Variants in ADAP1 observed in about 807,000 individuals in gnomAD.
ADAP1 encodes ArfGAP with dual PH domains 1.
Under a neutral mutation model 54.9 loss-of-function variants are expected in ADAP1, and 31 were observed. The ratio of observed to expected loss-of-function variants is 0.56; its 90% confidence interval spans 0.42 to 0.76. ADAP1 has a LOEUF of 0.76. ADAP1 is among the 30% of genes least tolerant of loss of function. The pLI, the probability that ADAP1 is intolerant of heterozygous loss-of-function variation, is 0.00. For synonymous variants in ADAP1, 313 were observed against 202.6 expected, an observed-to-expected ratio of 1.55 and a Z score of -4.63; for missense variants, 535 against 512.4, an observed-to-expected ratio of 1.04 and a Z score of -0.42.
intron 3 of ADAP1, among the ~76,000 whole-genome samples, chr7:924,985 G>GGCCAGGGC (rs971429544): frequency 9.9e-5 from 15 of 152,026 alleles, no homozygotes; most frequent in Non-Finnish European, 1.3e-4. Flanking sequence ...GAGTACGGGG[G>GGCCAGGGC]GCCAGGGCGC....
Position 904,281 on chromosome 7 carries a change from G to T in ADAP1, c.502-9C>A, listed in dbSNP as rs199707582. 2 of 1,581,480 alleles carry T rather than the reference G, an allele frequency of 1.3e-6. No homozygotes were observed. The highest frequency in any genetic ancestry group is 2.3e-5 in the South Asian group (2 of 85,950). The stretch of plus-strand genomic sequence containing the variant: ...GCCTTGGGCTCCTTGGCCTGAGAAG[G>T]GGTGGGGTCTAAGCACCTCACAGGG... On this transcript the variant is annotated splice_polypyrimidine_tract_variant and intron_variant, in intron 5 of 10. Transcript: ENST00000265846.
chr7:920,976 GGATCT>G lies in ADAP1; in HGVS notation c.306-931_306-927del, dbSNP rs1846173061. The stretch of plus-strand genomic sequence containing the variant: ...GACTGGGCGGGAATCCTCGCCCACA[GGATCT>G]GATGGGTGATGGGTCCCAGCTGGGT... On this transcript the variant is annotated intron_variant, in intron 3 of 10. Coordinates refer to ENST00000265846, the MANE Select transcript of ADAP1 (RefSeq NM_006869.4). This position sits in a 1 kb window ranked among gnomAD's most constrained non-coding sequence, Gnocchi z 4.5. 1 of 1,004,796 alleles carries G rather than the reference GGATCT, an allele frequency of 1.0e-6. No homozygotes were observed. Among genetic ancestry groups the G allele is most frequent in the Non-Finnish European group, 1.5e-6 (1 of 678,982 alleles). The allele number at this position is 1,004,796 out of a possible 1,614,324, so 62.2% of individuals were successfully genotyped here.
At chr7:909,528 C>A (rs183967277) in intron 4 of ADAP1, among the ~76,000 whole-genome samples, 288 of 151,962 alleles carry the variant, frequency 1.9e-3, no homozygotes, top group African/African-American at 6.4e-3. Context: ...GGACGCGCCC[C>A]ACGCCCAGTC....
At chr7:900,451 G>T (rs538318986) in intron 7 of ADAP1, 82 bp downstream of exon 7, 15 of 1,426,130 alleles carry the variant, frequency 1.1e-5, no homozygotes, top group Non-Finnish European at 1.3e-5. Flanking sequence ...CATCATCCCA[G>T]ACTCAGGGCA....
Position 930,766 on chromosome 7 carries a change from G to C in ADAP1, c.214-4122C>G, listed in dbSNP as rs368861841. Among the ~76,000 whole-genome samples the C allele has an allele frequency of 4.0e-5, 6 of 151,634 alleles. 1 individual carries two copies. The highest frequency in any genetic ancestry group is 4.2e-4 in the South Asian group (2 of 4,798). ...TGTGGGAGGTGGAGGTTGCAGTGAGGTGAGATCACACCACTGTACTCCAGC... is the reference window on the plus strand; with the variant it reads ...TGTGGGAGGTGGAGGTTGCAGTGAGCTGAGATCACACCACTGTACTCCAGC... On this transcript the variant is annotated intron_variant, in intron 2 of 10. Coordinates refer to ENST00000265846, the MANE Select transcript of ADAP1 (RefSeq NM_006869.4).
intron 4 of ADAP1, among the ~76,000 whole-genome samples, chr7:916,547 T>TG (rs1159095421): frequency 6.6e-6 from 1 of 152,138 alleles, no homozygotes. Context: ...GGAGGGGCTC[T>TG]GGGGTGATTC....
rs962565661 is a variant in ADAP1, at chr7:935,352, C to T, written c.213+23G>A. ...AGGCCACCCGGGGACTGCGCGGGTCCCCCCGCCCCTCCCCCTCCGTACCTC... is the reference window on the plus strand; with the variant it reads ...AGGCCACCCGGGGACTGCGCGGGTCTCCCCGCCCCTCCCCCTCCGTACCTC... On this transcript the variant is annotated intron_variant, in intron 2 of 10. Coordinates refer to ENST00000265846, the MANE Select transcript of ADAP1 (RefSeq NM_006869.4). 8 of 1,549,646 alleles carry T rather than the reference C, an allele frequency of 5.2e-6. No homozygotes were observed. In the African/African-American group the frequency reaches 9.6e-5, roughly 19 times the overall value.
rs567545439 is a variant in ADAP1, at chr7:944,075, C to A, written c.83-8570G>T. Among the ~76,000 whole-genome samples the A allele has an allele frequency of 7.2e-5, 11 of 151,826 alleles. No individual in the cohort carries two copies. In the South Asian group the frequency reaches 1.7e-3, roughly 23 times the overall value. On this transcript the variant is annotated intron_variant, in intron 1 of 10. Coordinates refer to ENST00000265846, the MANE Select transcript of ADAP1 (RefSeq NM_006869.4). ...GGACTACAGGTGCGCACCACCATAC[C>A]CAGCTACTTTAAAAAACTTTTTGTA...
At chr7:952,036 C>T (rs1474086089) in intron 1 of ADAP1, among the ~76,000 whole-genome samples, 1 of 152,142 alleles carries the variant, frequency 6.6e-6, no homozygotes. Flanking sequence ...CCCCCAAACC[C>T]CCTCCCAGGA....
chr7:906,485 AGAAAGGGAAAGGAG>A (rs1845349962), intron 4 of ADAP1, among the ~76,000 whole-genome samples: 2 of 54,810 alleles, frequency 3.6e-5, no homozygotes, highest in African/African-American at 1.3e-4. Flanking sequence ...AGGAGAAAGG[AGAAAGGGAAAGGAG>A]AAAGGGAGAA....
At chr7:916,419 CAAG>C (rs968988676) in intron 4 of ADAP1, among the ~76,000 whole-genome samples, 7 of 152,212 alleles carry the variant, frequency 4.6e-5, no homozygotes, top group African/African-American at 1.7e-4. Context: ...GGTTCTGATA[CAAG>C]AACAGACACA....
At chr7:921,289 C>T (rs776480822) in intron 3 of ADAP1, among the ~76,000 whole-genome samples, 2 of 152,212 alleles carry the variant, frequency 1.3e-5, no homozygotes, top group Non-Finnish European at 2.9e-5. Flanking sequence ...AACCTCACAA[C>T]CTTATCTTAA....
At chr7:919,638 G>C (rs1056123803) in intron 4 of ADAP1, among the ~76,000 whole-genome samples, 1 of 123,906 alleles carries the variant, frequency 8.1e-6, no homozygotes. Flanking sequence ...GAGAGAGTAA[G>C]AGAAACAGAG....
Position 900,687 on chromosome 7 carries a change from G to A in ADAP1, c.649-71C>T, listed in dbSNP as rs1287574115. On this transcript the variant is annotated intron_variant, in intron 6 of 10. Coordinates refer to ENST00000265846, the MANE Select transcript of ADAP1 (RefSeq NM_006869.4). ...GCTGGGGTCCCCACAGAGGGGCTGG[G>A]GTCCCCACAGAGGGGCCGCTTCCCC... 107 of 1,324,888 alleles carry A rather than the reference G, an allele frequency of 8.1e-5. 2 individuals are homozygous for A. The South Asian group carries it at 1.3e-3, about 16-fold the overall frequency. The allele number at this position is 1,324,888 out of a possible 1,614,324, so 82.1% of individuals were successfully genotyped here.
intron 1 of ADAP1, among the ~76,000 whole-genome samples, chr7:943,203 GGAGTGAGGAGGAGGAA>G (rs1847020559): frequency 8.4e-5 from 5 of 59,690 alleles, no homozygotes; most frequent in East Asian, 3.3e-4. Context: ...GAGGAGGAAG[GGAGTGAGGAGGAGGAA>G]GAGAGAGGAG....
At chr7:905,757 A>G (rs964227351) in intron 4 of ADAP1, 1 of 27,864 alleles carries the variant, frequency 3.6e-5, no homozygotes, top group Admixed American at 4.2e-4. Context: ...GGGAGAAGGG[A>G]GAAGGGAGAA....
chr7:914,043 G>A (rs1046080762), intron 4 of ADAP1, among the ~76,000 whole-genome samples: 3 of 152,252 alleles, frequency 2.0e-5, no homozygotes, highest in Non-Finnish European at 4.4e-5. Flanking sequence ...CCTGGGTGGC[G>A]TGGCCCACAC....
Position 943,336 on chromosome 7 carries a change from G to A in ADAP1, c.83-7831C>T, listed in dbSNP as rs571191298. On this transcript the variant is annotated intron_variant, in intron 1 of 10. Coordinates refer to ENST00000265846, the MANE Select transcript of ADAP1 (RefSeq NM_006869.4). ...AGAGGAGGAGGAAGGGAGAGAGGAG[G>A]AGGAAGGGAGGAGGAGGAAGAGGAG... is the stretch of plus-strand genomic sequence containing the variant. Among the ~76,000 whole-genome samples the A allele has an allele frequency of 9.3e-3, 140 of 15,042 alleles. 9 individuals are homozygous for A. The highest frequency in any genetic ancestry group is 0.016 in the Non-Finnish European group (124 of 7,864). 9.9% of individuals were successfully genotyped at this position (15,042 alleles called of 152,430 possible).
rs1846380688 is a variant in ADAP1 at position 926,195 on chromosome 7, C to T, written c.305+358G>A. 7.9e-6 allele frequency among the ~76,000 whole-genome samples: 1 copy of T among 126,928 alleles called. No homozygotes were observed. 83.3% of individuals were successfully genotyped at this position (126,928 alleles called of 152,430 possible). A position where few individuals can be genotyped will look rare whatever the true frequency, so the allele number is the denominator to read the frequency against. On this transcript the variant is annotated intron_variant, in intron 3 of 10. Coordinates refer to ENST00000265846, the MANE Select transcript of ADAP1 (RefSeq NM_006869.4). This position sits in a 1 kb window ranked among gnomAD's most constrained non-coding sequence, Gnocchi z 4.6. Reference sequence around the variant, plus strand: ...CCGCTCCCGCCCTGAGGAGCCAGGGCAGGCCCCGAAACAACAGCCGCCCCT... The same window carrying T: ...CCGCTCCCGCCCTGAGGAGCCAGGGTAGGCCCCGAAACAACAGCCGCCCCT...
Sources: gnomAD v4.1 joint callset for allele counts (sites outside exome capture counted in the v4.1 genomes callset) on GRCh38, gnomAD v4.1.1 for gene constraint, Gnocchi (gnomAD v3.1) non-coding constraint, MANE v1.5 for transcripts, NCBI Gene and HGNC (gene_info 2026-07-23, HGNC 2026-07-21) for gene names.